The following GPHN variants were observed in gnomAD, a reference collection of about 807,000 sequenced individuals.
GPHN encodes gephyrin.
Under a neutral mutation model 95.5 loss-of-function variants are expected in GPHN, and 17 were observed. That is an observed-to-expected ratio of 0.18 (90% CI 0.12 to 0.27). The LOEUF (loss-of-function observed/expected upper bound fraction) is 0.27. Ranked by LOEUF, GPHN falls within the 10% of genes least tolerant of loss-of-function variation. GPHN has a pLI of 1.00. For synonymous variants in GPHN, 320 were observed against 322.5 expected (o/e 0.99, Z 0.08); for missense variants, 660 against 978.1 (o/e 0.67, Z 4.34).
At chr14:66,970,128 C>G (rs1441219974) in intron 9 of GPHN, among the ~76,000 whole-genome samples, 3 of 136,006 alleles carry the variant, frequency 2.2e-5, no homozygotes, top group Admixed American at 7.6e-5. Context: ...AATATAAATA[C>G]TATCAATATC....
the GPHN span, among the ~76,000 whole-genome samples, chr14:67,259,824 A>T: frequency 2.0e-5 from 3 of 150,620 alleles, no homozygotes; most frequent in Admixed American, 2.0e-4. Flanking sequence ...AAGCAGGAGG[A>T]TTGCTTGAGC....
intron 4 of GPHN, among the ~76,000 whole-genome samples, chr14:66,874,314 A>C (rs960291372): frequency 6.6e-6 from 1 of 152,236 alleles, no homozygotes; most frequent in Non-Finnish European, 1.5e-5. Flanking sequence ...CAGCACAAGA[A>C]GGCTGAAAAT....
intron 4 of GPHN, among the ~76,000 whole-genome samples, chr14:66,874,660 G>A (rs1410141204): frequency 6.6e-6 from 1 of 152,074 alleles, no homozygotes; most frequent in African/African-American, 2.4e-5. Context: ...GAATTTCAGA[G>A]ATTGAAGATC....
intron 12 of GPHN, among the ~76,000 whole-genome samples, chr14:67,100,279 T>C (rs1372600627): frequency 1.3e-5 from 2 of 152,226 alleles, no homozygotes; most frequent in Non-Finnish European, 2.9e-5. Flanking sequence ...ACCTGAATTC[T>C]TTCATTCTAT....
chr14:67,552,533 C>T, the GPHN span, among the ~76,000 whole-genome samples: 116 of 152,196 alleles, frequency 7.6e-4, no homozygotes, highest in Middle Eastern at 3.4e-3. Context: ...TTTGGGAGGC[C>T]GAGGTGGGCG....
chr14:67,472,412 G>C, the GPHN span: 1 of 152,376 alleles, frequency 6.6e-6, no homozygotes, highest in Admixed American at 6.5e-5. Context: ...CTTGCCTCTA[G>C]GTCCCCACTG....
At chr14:66,744,069 A>G (rs1022633871) in intron 2 of GPHN, among the ~76,000 whole-genome samples, 11 of 152,160 alleles carry the variant, frequency 7.2e-5, no homozygotes, top group Admixed American at 3.9e-4. Context: ...CAATAAAAAC[A>G]TAACTTCCAA....
intron 10 of GPHN, among the ~76,000 whole-genome samples, chr14:67,026,681 C>A (rs373738573): frequency 2.7e-4 from 41 of 152,250 alleles, no homozygotes; most frequent in Admixed American, 2.4e-3. Context: ...GTCCCGCTGT[C>A]GCCCAGGTTG....
intron 1 of GPHN, among the ~76,000 whole-genome samples, chr14:66,634,370 A>G (rs1047768406): frequency 1.3e-5 from 2 of 152,076 alleles, no homozygotes; most frequent in African/African-American, 4.8e-5. Context: ...TTCACCTGTA[A>G]TCAACAACTG....
the GPHN span, among the ~76,000 whole-genome samples, chr14:67,429,292 G>A: frequency 6.6e-6 from 1 of 150,740 alleles, no homozygotes; most frequent in Non-Finnish European, 1.5e-5. Flanking sequence ...GTGCAGTGGC[G>A]TGATCTTGGC....
intron 5 of GPHN, among the ~76,000 whole-genome samples, chr14:66,890,051 G>A (rs898819939): frequency 4.6e-5 from 7 of 152,074 alleles, no homozygotes; most frequent in African/African-American, 1.4e-4. Flanking sequence ...AACCTACTGA[G>A]ACTGAATCAC....
chr14:67,562,050 G>A, the GPHN span: 1 of 1,611,420 alleles, frequency 6.2e-7, no homozygotes, highest in Non-Finnish European at 8.5e-7. Flanking sequence ...GCAGGCCAGG[G>A]TGTGCAGGTG....
the GPHN span, among the ~76,000 whole-genome samples, chr14:67,668,345 A>G: frequency 6.6e-6 from 1 of 152,246 alleles, no homozygotes; most frequent in Non-Finnish European, 1.5e-5. Context: ...GAAATATTAA[A>G]TGGATTAATA....
At chr14:66,518,286 G>A (rs974997405) in intron 1 of GPHN, among the ~76,000 whole-genome samples, 1 of 152,034 alleles carries the variant, frequency 6.6e-6, no homozygotes, top group East Asian at 1.9e-4. Flanking sequence ...ACCACAGTGA[G>A]GTATTCTCTT....
At chr14:66,838,323 G>A (rs1172400606) in intron 4 of GPHN, among the ~76,000 whole-genome samples, 1 of 152,106 alleles carries the variant, frequency 6.6e-6, no homozygotes, top group East Asian at 1.9e-4. Flanking sequence ...AAGAGCTTTA[G>A]CTTTAAAAAT....
chr14:66,601,664 A>G (rs1325690304), intron 1 of GPHN, among the ~76,000 whole-genome samples: 5 of 151,930 alleles, frequency 3.3e-5, no homozygotes, highest in African/African-American at 7.2e-5. Flanking sequence ...TGATTTTCTT[A>G]TTATGGAAGA....
chr14:66,810,101 A>G (rs2060699862), intron 3 of GPHN, among the ~76,000 whole-genome samples: 1 of 151,908 alleles, frequency 6.6e-6, no homozygotes, highest in Admixed American at 6.6e-5. Flanking sequence ...ATTTACACAG[A>G]AGTCTTGGCT....
the GPHN span, among the ~76,000 whole-genome samples, chr14:67,700,280 C>T: frequency 1.3e-5 from 2 of 151,974 alleles, no homozygotes; most frequent in African/African-American, 4.8e-5. Context: ...TCAAAAGTGC[C>T]CTGGTTATAG....
the GPHN span, among the ~76,000 whole-genome samples, chr14:67,293,988 G>A: frequency 1.3e-5 from 2 of 152,116 alleles, no homozygotes; most frequent in Non-Finnish European, 2.9e-5. Context: ...AAACAACTTA[G>A]CTTAAAGGGT....
Sources: gnomAD v4.1 joint callset for allele counts (sites outside exome capture counted in the v4.1 genomes callset) on GRCh38, gnomAD v4.1.1 for gene constraint, MANE v1.5 for transcripts, NCBI Gene and HGNC (gene_info 2026-07-23, HGNC 2026-07-21) for gene names.